Variants in DUSP22 observed in about 807,000 individuals in gnomAD.
DUSP22 encodes dual specificity protein phosphatase 22.
DUSP22 carries 24 observed loss-of-function variants against 24.5 expected under a neutral mutation model. The observed-to-expected ratio is 0.98, with a 90% confidence interval of 0.71 to 1.38. The LOEUF (loss-of-function observed/expected upper bound fraction) is 1.38. Ranked by LOEUF, DUSP22 falls within the 40% of genes most tolerant of loss-of-function variation. The pLI is 0.00. For synonymous variants in DUSP22, 160 were observed against 106.4 expected (o/e 1.50, Z -3.10); for missense variants, 330 against 269.2 (o/e 1.23, Z -1.58).
At chr6:328,936 T>A (rs574163653) in intron 3 of DUSP22, among the ~76,000 whole-genome samples, 95 of 152,376 alleles carry the variant, frequency 6.2e-4, no homozygotes, top group Non-Finnish European at 1.0e-4. Context: ...TGGGATGGGA[T>A]TTCGAATTCT....
intron 1 of DUSP22, among the ~76,000 whole-genome samples, chr6:299,525 A>T (rs533055780): frequency 6.6e-5 from 10 of 152,292 alleles, no homozygotes; most frequent in Non-Finnish European, 1.5e-4. Context: ...TTGTAATTCT[A>T]TATGGAAGAG....
intron 3 of DUSP22, among the ~76,000 whole-genome samples, chr6:330,174 T>G (rs1451868620): frequency 6.6e-6 from 1 of 152,300 alleles, no homozygotes; most frequent in Non-Finnish European, 1.5e-5. Context: ...CCGCACAGGC[T>G]GAGATGAGAA....
intron 3 of DUSP22, among the ~76,000 whole-genome samples, chr6:324,086 A>T (rs1317793993): frequency 6.6e-6 from 1 of 152,308 alleles, no homozygotes; most frequent in African/African-American, 2.4e-5. Context: ...CTTTAAGCTG[A>T]GGTTTCCTGC....
In DUSP22 at chr6:349,925, C is replaced by T; in HGVS notation, c.*974C>T. 1 of 985,916 alleles carries T rather than the reference C, an allele frequency of 1.0e-6. No homozygotes were observed. Among genetic ancestry groups the T allele is most frequent in the South Asian group, 4.7e-5 (1 of 21,298 alleles). The allele number at this position is 985,916 out of a possible 1,614,324, so 61.1% of individuals were successfully genotyped here. ...TGCCAGCTTCATTCACTCCCAGCCTCTCGCTGTCCTCACTTTGCAGGGGCT... is the reference window on the plus strand; with the variant it reads ...TGCCAGCTTCATTCACTCCCAGCCTTTCGCTGTCCTCACTTTGCAGGGGCT... On this transcript the variant is annotated 3_prime_UTR_variant, in exon 7 of 7. Transcript: ENST00000419235.
At chr6:315,949 A>C (rs369339798) in intron 3 of DUSP22, among the ~76,000 whole-genome samples, 1 of 152,310 alleles carries the variant, frequency 6.6e-6, no homozygotes, top group African/African-American at 2.4e-5. Context: ...GCAGGTGGCA[A>C]ATCCCATAGG....
chr6:307,693 G>T (rs1757873373), intron 2 of DUSP22, among the ~76,000 whole-genome samples: 1 of 152,308 alleles, frequency 6.6e-6, no homozygotes, highest in African/African-American at 2.4e-5. Context: ...TCAGCTGACA[G>T]ACGAAGCCCT....
chr6:336,311 T>C (rs1386873689), intron 4 of DUSP22, among the ~76,000 whole-genome samples: 1 of 152,308 alleles, frequency 6.6e-6, no homozygotes, highest in African/African-American at 2.4e-5. Context: ...TAGGCTGTGG[T>C]GAAGTTTGTG....
rs774875404 is a variant in DUSP22, at chr6:304,640, C to T, written c.34C>T (p.Leu12=). 4 of 1,614,270 alleles carry T rather than the reference C, an allele frequency of 2.5e-6. No homozygotes were observed. The South Asian group carries it at 4.4e-5, about 18-fold the overall frequency. ...GTCTCTCTCCTAGATCCTGCCCGGC[C>T]TGTACATCGGCAACTTCAAAGGTGA... ...GNGMNKILPG[L]YIGNFKDARD... is the part of the protein sequence containing the mutation. Residue 12 remains leucine (L), a synonymous_variant, in exon 2 of 7, where the codon CTG becomes TTG. Coordinates refer to ENST00000419235, the MANE Select transcript of DUSP22 (RefSeq NM_001286555.3).
intron 4 of DUSP22, chr6:337,327 A>G (rs576721418): frequency 2.0e-5 from 3 of 152,510 alleles, no homozygotes; most frequent in East Asian, 3.8e-4. Flanking sequence ...AGGCAAGGGC[A>G]TGTATGTGAA....
intron 3 of DUSP22, chr6:320,094 G>C (rs1758521520): frequency 6.6e-6 from 1 of 152,512 alleles, no homozygotes; most frequent in Admixed American, 6.5e-5. Context: ...GCTGGACTCA[G>C]AGGGCTTGAG....
intron 4 of DUSP22, among the ~76,000 whole-genome samples, chr6:336,029 T>C (rs1252247725): frequency 1.3e-5 from 2 of 152,306 alleles, no homozygotes; most frequent in Non-Finnish European, 2.9e-5. Context: ...GATAGGGCTC[T>C]GGGGACCCGT....
chr6:327,661 C>A (rs948056351), intron 3 of DUSP22, among the ~76,000 whole-genome samples: 10 of 152,288 alleles, frequency 6.6e-5, no homozygotes, highest in African/African-American at 2.4e-4. Context: ...TGTGGGGGCC[C>A]AGCGTGGGGC....
rs370744051 is a variant in DUSP22 at position 348,028 on chromosome 6, C to T, written c.264-75C>T. 1.2e-4 allele frequency: 192 copies of T among 1,585,496 alleles called. No homozygotes were observed. The African/African-American group carries it at 1.4e-3, about 12-fold the overall frequency. On this transcript the variant is annotated intron_variant, in intron 5 of 6. Coordinates refer to ENST00000419235, the MANE Select transcript of DUSP22 (RefSeq NM_001286555.3). ...TCTGAACAAGGTCCTTAGAGTCCCC[C>T]GCTCCACATGGATTGGGCGATGAAC...
chr6:323,865 CAGG>C (rs1758722361), intron 3 of DUSP22, among the ~76,000 whole-genome samples: 1 of 152,306 alleles, frequency 6.6e-6, no homozygotes, highest in East Asian at 1.9e-4. Flanking sequence ...TACCTTGTTC[CAGG>C]AGATCAGCCC....
chr6:343,768 C>T (rs899072071), intron 4 of DUSP22, among the ~76,000 whole-genome samples: 10 of 100,542 alleles, frequency 9.9e-5, no homozygotes, highest in Admixed American at 6.1e-4. Context: ...GAGCACCTGC[C>T]GTGAGGTCGC....
chr6:349,428 C>T lies in DUSP22; in HGVS notation c.*477C>T, dbSNP rs1760072605. ...TGGCCACCTTTCCCTTTGTCCAAGA[C>T]TCCACATGGAAGGCATTTGAGCTCG... On this transcript the variant is annotated 3_prime_UTR_variant, in exon 7 of 7. Transcript: ENST00000419235. 2 of 1,012,686 alleles carry T rather than the reference C, an allele frequency of 2.0e-6. No individual in the cohort carries two copies. The highest frequency in any genetic ancestry group is 3.5e-5 in the African/African-American group (2 of 57,968). The allele number at this position is 1,012,686 out of a possible 1,614,324, so 62.7% of individuals were successfully genotyped here.
At chr6:336,400 A>C (rs1759363777) in intron 4 of DUSP22, among the ~76,000 whole-genome samples, 1 of 152,308 alleles carries the variant, frequency 6.6e-6, no homozygotes, top group Non-Finnish European at 1.5e-5. Context: ...ATGGATCAGG[A>C]GTGCAGACCA....
At chr6:340,369 C>G (rs1389123932) in intron 4 of DUSP22, among the ~76,000 whole-genome samples, 1 of 152,302 alleles carries the variant, frequency 6.6e-6, no homozygotes, top group East Asian at 1.9e-4. Flanking sequence ...CACCATCAGC[C>G]TTCCAGCTGG....
chr6:335,753 C>G (rs955563701), intron 4 of DUSP22, among the ~76,000 whole-genome samples: 2 of 152,306 alleles, frequency 1.3e-5, no homozygotes, highest in African/African-American at 4.8e-5. Context: ...GGCACATCTC[C>G]GTTCAGACCA....
Sources: allele counts gnomAD v4.1 joint callset (sites outside exome capture counted in the v4.1 genomes callset), GRCh38; gene constraint gnomAD v4.1.1; transcripts MANE v1.5; gene names NCBI Gene and HGNC (gene_info 2026-07-23, HGNC 2026-07-21).